Variants in SYTL4 observed in about 807,000 individuals in gnomAD.
SYTL4 encodes synaptotagmin-like protein 4.
In SYTL4, 16 loss-of-function variants were observed where a neutral mutation model predicts 52.7. That is an observed-to-expected ratio of 0.30 (90% CI 0.21 to 0.46). The LOEUF (loss-of-function observed/expected upper bound fraction) is 0.46, where lower values mean the gene tolerates loss of function less well. Ranked by LOEUF, SYTL4 falls within the 20% of genes least tolerant of loss-of-function variation. The pLI is 1.00. For missense variants in SYTL4, 423 were observed against 519.9 expected (o/e 0.81, Z 1.81); for synonymous variants, 160 against 186.6 (o/e 0.86, Z 1.16).
intron 16 of SYTL4, chrX:100,684,910 T>C (rs932459737): frequency 9.0e-6 from 1 of 111,344 alleles, no homozygotes; most frequent in Non-Finnish European, 1.9e-5. Flanking sequence ...TTGGTCAGGG[T>C]GGTCTCGAAC....
intron 2 of SYTL4, among the ~76,000 whole-genome samples, chrX:100,731,183 G>A (rs2084636030): frequency 9.0e-6 from 1 of 111,680 alleles, no homozygotes; most frequent in Non-Finnish European, 1.9e-5. Context: ...CTCATTCAAT[G>A]TTAAGGGTTG....
intron 12 of SYTL4, 21 bp downstream of exon 12, chrX:100,689,835 G>A (rs1398657860): frequency 9.0e-7 from 1 of 1,108,683 alleles, no homozygotes; most frequent in Non-Finnish European, 1.2e-6. Flanking sequence ...TAGTGACCAA[G>A]TAAAATATAA....
intron 17 of SYTL4, among the ~76,000 whole-genome samples, chrX:100,680,918 C>T (rs1411498545): frequency 1.8e-5 from 2 of 111,408 alleles, no homozygotes; most frequent in Non-Finnish European, 3.8e-5. Flanking sequence ...CATACTTTAC[C>T]ACCTCTCCCA....
At chrX:100,724,435 A>C (rs1263665770) in intron 2 of SYTL4, among the ~76,000 whole-genome samples, 5 of 104,636 alleles carry the variant, frequency 4.8e-5, no homozygotes, top group Non-Finnish European at 9.9e-5. Context: ...GAAAGGGGGG[A>C]AAGGTGGGGA....
chrX:100,683,620 G>A (rs1474279785), intron 16 of SYTL4, among the ~76,000 whole-genome samples: 1 of 111,736 alleles, frequency 8.9e-6, no homozygotes, highest in African/African-American at 3.3e-5. Context: ...CAAATGGATT[G>A]CTAGGGAAAA....
chrX:100,713,864 A>C (rs1048624115), intron 2 of SYTL4, among the ~76,000 whole-genome samples: 1 of 111,330 alleles, frequency 9.0e-6, no homozygotes, highest in Admixed American at 9.6e-5. Flanking sequence ...GGCAAAAAAA[A>C]AACACTGTAT....
At chrX:100,678,362 A>C in intron 19 of SYTL4, 29 bp downstream of exon 19, 1 of 1,136,912 alleles carries the variant, frequency 8.8e-7, no homozygotes, top group Non-Finnish European at 1.2e-6. Context: ...AAGCCTTCAA[A>C]CAAGTGAGGA....
At chrX:100,700,103 G>A (rs745950728) in intron 8 of SYTL4, among the ~76,000 whole-genome samples, 1 of 111,082 alleles carries the variant, frequency 9.0e-6, no homozygotes, top group East Asian at 2.8e-4. Context: ...AAGGGTAAAG[G>A]GTTTCTTTTT....
chrX:100,723,467 C>G (rs374429404), intron 2 of SYTL4, among the ~76,000 whole-genome samples: 2 of 112,061 alleles, frequency 1.8e-5, no homozygotes, highest in East Asian at 5.6e-4. Context: ...TCTCGGCTCA[C>G]TACAACCTCC....
chrX:100,718,391 C>T (rs1346681885), intron 2 of SYTL4, among the ~76,000 whole-genome samples: 1 of 111,104 alleles, frequency 9.0e-6, no homozygotes, highest in African/African-American at 3.3e-5. Context: ...AAGTGACTTA[C>T]AAAGATTCAT....
At chrX:100,704,452 G>A (rs1365167626) in intron 3 of SYTL4, among the ~76,000 whole-genome samples, 2 of 112,724 alleles carry the variant, frequency 1.8e-5, no homozygotes, top group Non-Finnish European at 3.7e-5. Flanking sequence ...ATAGGTTTGA[G>A]AAGTAGAATT....
At chrX:100,683,408 G>A (rs1202606673) in intron 16 of SYTL4, among the ~76,000 whole-genome samples, 1 of 110,230 alleles carries the variant, frequency 9.1e-6, no homozygotes, top group Non-Finnish European at 1.9e-5. Flanking sequence ...AAAGTGCTGG[G>A]ATTACAAGCA....
At chrX:100,717,685 G>A (rs2084257013) in intron 2 of SYTL4, among the ~76,000 whole-genome samples, 1 of 112,203 alleles carries the variant, frequency 8.9e-6, no homozygotes, top group Non-Finnish European at 1.9e-5. Context: ...TGACAATTTT[G>A]CAGACTATGG....
intron 12 of SYTL4, among the ~76,000 whole-genome samples, chrX:100,689,639 C>CAAAAAAAAAAAAAAAAAAAAAAAAAAA (rs58418223): frequency 2.5e-5 from 1 of 39,658 alleles, no homozygotes; most frequent in African/African-American, 1.2e-4. Context: ...AACTCCGTCT[C>CAAAAAAAAAAAAAAAAAAAAAAAAAAA]AAAAAAAAAA....
intron 2 of SYTL4, among the ~76,000 whole-genome samples, chrX:100,716,958 T>C (rs913025416): frequency 8.9e-6 from 1 of 111,823 alleles, no homozygotes; most frequent in Non-Finnish European, 1.9e-5. Flanking sequence ...TCTCCCCACA[T>C]CCTTTCTGGC....
chrX:100,679,129 A>T (rs1422494712), intron 18 of SYTL4, among the ~76,000 whole-genome samples, 184 bp downstream of exon 18: 1 of 112,358 alleles, frequency 8.9e-6, no homozygotes, highest in Non-Finnish European at 1.9e-5. Context: ...TCTTTGGATT[A>T]TCAAGTCTAC....
chrX:100,689,067 A>G (rs1164447815), intron 12 of SYTL4, among the ~76,000 whole-genome samples: 1 of 110,284 alleles, frequency 9.1e-6, no homozygotes, highest in Non-Finnish European at 1.9e-5. Context: ...TATATCCAGC[A>G]ATTTATTAGA....
At chrX:100,713,968 C>T (rs763469534) in intron 2 of SYTL4, among the ~76,000 whole-genome samples, 2 of 110,716 alleles carry the variant, frequency 1.8e-5, no homozygotes, top group East Asian at 5.7e-4. Flanking sequence ...GGTAATAGCA[C>T]ACAGGGACAA....
At chrX:100,687,000 T>C (rs1357686144) in intron 14 of SYTL4, 67 bp downstream of exon 14, 3 of 1,109,103 alleles carry the variant, frequency 2.7e-6, no homozygotes, top group Non-Finnish European at 3.7e-6. Context: ...TGTTCAAGAG[T>C]GCCCGGACAG....
Sources: allele counts gnomAD v4.1 joint callset (sites outside exome capture counted in the v4.1 genomes callset), GRCh38; gene constraint gnomAD v4.1.1; transcripts MANE v1.5; gene names NCBI Gene and HGNC (gene_info 2026-07-23, HGNC 2026-07-21).